The following DCLK2 variants were observed in gnomAD, a reference collection of about 807,000 sequenced individuals.
DCLK2 encodes doublecortin like kinase 2.
In DCLK2, 31 loss-of-function variants were observed where a neutral mutation model predicts 78.4. The ratio of observed to expected loss-of-function variants is 0.40; its 90% CI spans 0.30 to 0.53. The LOEUF (loss-of-function observed/expected upper bound fraction) is 0.53, where lower values mean the gene tolerates loss of function less well. Among genes scored for constraint, DCLK2 ranks in the 20% least tolerant of loss-of-function variants. The pLI is 0.61. For synonymous variants in DCLK2, 407 were observed against 374.9 expected, an observed-to-expected ratio of 1.09 and a Z score of -0.99; for missense variants, 872 against 973.7, an observed-to-expected ratio of 0.90 and a Z score of 1.39.
In DCLK2 at chr4:150,155,781, G is replaced by A. The variant is rs557242396; in HGVS notation, c.757-37357G>A. On this transcript the variant is annotated intron_variant, in intron 2 of 15. Transcript: ENST00000296550. ...TAGGAGCAATGGGAAGAGGGCAGAC[G>A]CAAGACTGCACAAATGGGTGGATAG... Among the ~76,000 whole-genome samples, 64 of 152,238 alleles carry A rather than the reference G, an allele frequency of 4.2e-4. No homozygotes were observed. In the South Asian group the frequency reaches 0.012, roughly 29 times the overall value.
chr4:150,223,209 T>A (rs1741330733), intron 7 of DCLK2, among the ~76,000 whole-genome samples: 1 of 152,196 alleles, frequency 6.6e-6, no homozygotes, highest in Non-Finnish European at 1.5e-5. Context: ...GTATGACTTT[T>A]AAAGACTAGT....
chr4:150,124,585 T>C (rs1171204885), intron 2 of DCLK2, among the ~76,000 whole-genome samples: 2 of 152,232 alleles, frequency 1.3e-5, no homozygotes, highest in Admixed American at 1.3e-4. Flanking sequence ...ACATTGTATA[T>C]TTTTGTGGTA....
At position 150,239,855 on chromosome 4, in the gene DCLK2, A is replaced by G. The variant is rs767228068; in HGVS notation, c.1680A>G (p.Pro560=). The change falls in exon 11 of 16, where the codon CCA becomes CCG. Residue 560 remains proline, a synonymous_variant. Coordinates refer to ENST00000296550, the MANE Select transcript of DCLK2 (RefSeq NM_001040260.4). ...TVCGTPTYVA[P]EIIAETGYGL... ...GTGGCACACCCACTTATGTGGCTCC[A>G]GAAATCATTGCTGAAACTGGGTAAG... 2 of 1,614,156 alleles carry G rather than the reference A, an allele frequency of 1.2e-6. No individual in the cohort carries two copies. Among genetic ancestry groups the G allele is most frequent in the Non-Finnish European group, 1.7e-6 (2 of 1,180,022 alleles).
chr4:150,197,046 CCA>C (rs1447109006), intron 3 of DCLK2, among the ~76,000 whole-genome samples: 1 of 151,438 alleles, frequency 6.6e-6, no homozygotes, highest in African/African-American at 2.4e-5. Flanking sequence ...TCCACTCAGG[CCA>C]GAGGCTGAGA....
chr4:150,120,704 T>C (rs529767953), intron 2 of DCLK2, among the ~76,000 whole-genome samples: 1 of 152,330 alleles, frequency 6.6e-6, no homozygotes, highest in East Asian at 1.9e-4. Flanking sequence ...TAAGTTATGT[T>C]TGAGCTATAC....
chr4:150,248,851 T>G (rs1358639363), intron 14 of DCLK2, among the ~76,000 whole-genome samples: 1 of 152,020 alleles, frequency 6.6e-6, no homozygotes, highest in African/African-American at 2.4e-5. Context: ...TGGAGACACA[T>G]GATATTGACT....
At chr4:150,183,481 T>C (rs1317084336) in intron 2 of DCLK2, among the ~76,000 whole-genome samples, 1 of 152,180 alleles carries the variant, frequency 6.6e-6, no homozygotes, top group Admixed American at 6.5e-5. Context: ...TTTTAAGGTG[T>C]CCAGGGCCAA....
At chr4:150,150,902 G>T (rs72965595) in intron 2 of DCLK2, among the ~76,000 whole-genome samples, 1 of 152,134 alleles carries the variant, frequency 6.6e-6, no homozygotes, top group African/African-American at 2.4e-5. Context: ...GCCTGGACAG[G>T]CTCCTTTCTT....
chr4:150,163,152 C>G (rs1735826999), intron 2 of DCLK2, among the ~76,000 whole-genome samples: 1 of 152,144 alleles, frequency 6.6e-6, no homozygotes, highest in African/African-American at 2.4e-5. Flanking sequence ...AATTCCAGCA[C>G]TTTGGGAGGC....
intron 5 of DCLK2, among the ~76,000 whole-genome samples, chr4:150,216,255 G>A (rs1740711766): frequency 6.6e-6 from 1 of 152,212 alleles, no homozygotes; most frequent in African/African-American, 2.4e-5. Flanking sequence ...ATCATCAGAT[G>A]TCCTTCATCA....
At chr4:150,179,610 TACAG>T (rs774078851) in intron 2 of DCLK2, among the ~76,000 whole-genome samples, 3 of 152,226 alleles carry the variant, frequency 2.0e-5, no homozygotes, top group Non-Finnish European at 2.9e-5. Context: ...TATTTTTATG[TACAG>T]ACAATCAATT....
chr4:150,157,245 T>C (rs1175208915), intron 2 of DCLK2, among the ~76,000 whole-genome samples: 1 of 151,924 alleles, frequency 6.6e-6, no homozygotes, highest in Non-Finnish European at 1.5e-5. Context: ...TAAAAATCTT[T>C]TTAAAATTTT....
intron 2 of DCLK2, among the ~76,000 whole-genome samples, chr4:150,106,513 A>G (rs549091229): frequency 6.6e-6 from 1 of 152,044 alleles, no homozygotes; most frequent in East Asian, 1.9e-4. Context: ...TCTGTGTACA[A>G]AATTGTAAAC....
intron 12 of DCLK2, among the ~76,000 whole-genome samples, chr4:150,242,813 G>T (rs769663455): frequency 6.6e-6 from 1 of 152,200 alleles, no homozygotes; most frequent in Non-Finnish European, 1.5e-5. Context: ...AAATGTGGGA[G>T]AAAATGAGCT....
chr4:150,221,240 C>T (rs1209421496), intron 6 of DCLK2, among the ~76,000 whole-genome samples: 1 of 151,888 alleles, frequency 6.6e-6, no homozygotes, highest in Non-Finnish European at 1.5e-5. Context: ...AGAATTTTCT[C>T]TACTAGAAAA....
chr4:150,247,287 T>C (rs1312136992), intron 12 of DCLK2, among the ~76,000 whole-genome samples: 1 of 152,208 alleles, frequency 6.6e-6, no homozygotes, highest in Non-Finnish European at 1.5e-5. Context: ...GCATTCACAT[T>C]GTGTGCAAGA....
chr4:150,086,053 T>C (rs1729613316), intron 1 of DCLK2, among the ~76,000 whole-genome samples: 2 of 152,148 alleles, frequency 1.3e-5, no homozygotes, highest in Admixed American at 6.5e-5. Context: ...AACACCTCAG[T>C]AACATACAGG....
At chr4:150,234,650 T>G (rs1047979856) in intron 10 of DCLK2, among the ~76,000 whole-genome samples, 1 of 152,214 alleles carries the variant, frequency 6.6e-6, no homozygotes, top group Non-Finnish European at 1.5e-5. Context: ...GAGTATCCAT[T>G]TAAAAGTATT....
chr4:150,079,403 A>G lies in DCLK2; in HGVS notation c.376A>G (p.Ile126Val). ...LPQGVRTIYT[I>V]DGSRKVTSLD... ...CCAGGGTGTCCGCACTATCTACACCATCGACGGCAGCCGGAAGGTCACCAG... is the reference window on the plus strand; with the variant it reads ...CCAGGGTGTCCGCACTATCTACACCGTCGACGGCAGCCGGAAGGTCACCAG... Residue 126 changes from isoleucine (I) to valine (V), a missense_variant, in exon 1 of 16, where the codon ATC (isoleucine) becomes GTC (valine). By Grantham distance (29) the Ile-to-Val change is conservative. Transcript: ENST00000296550. The G allele has an allele frequency of 6.4e-7, 1 of 1,560,592 alleles. No homozygotes were observed. Among genetic ancestry groups the G allele is most frequent in the Admixed American group, 1.8e-5 (1 of 54,822 alleles).
Sources: gnomAD v4.1 joint callset for allele counts (sites outside exome capture counted in the v4.1 genomes callset) on GRCh38, gnomAD v4.1.1 for gene constraint, MANE v1.5 for transcripts, NCBI Gene and HGNC (gene_info 2026-07-23, HGNC 2026-07-21) for gene names.